NEK4: variants seen among roughly 807,000 people sequenced by gnomAD.
NEK4 encodes serine/threonine-protein kinase Nek4.
A neutral mutation model predicts 98.4 loss-of-function variants in NEK4; 86 were observed. The observed-to-expected ratio is 0.87, with a 90% CI of 0.73 to 1.05. The LOEUF (loss-of-function observed/expected upper bound fraction) is 1.05. NEK4 is among the 50% of genes least tolerant of loss of function. The probability of loss-of-function intolerance (pLI) is 0.00; values close to 1 mark genes in which losing one functional copy is unlikely to be tolerated. For missense variants in NEK4, 898 were observed against 950.3 expected (o/e 0.94, Z 0.72); for synonymous variants, 328 against 342.2 (o/e 0.96, Z 0.46).
intron 15 of NEK4, among the ~76,000 whole-genome samples, chr3:52,732,355 G>A (rs529374858): frequency 4.3e-4 from 65 of 152,164 alleles, no homozygotes; most frequent in African/African-American, 1.3e-3. Flanking sequence ...CACTGCGCCC[G>A]GCTAATTTTT....
chr3:52,722,246 C>A (rs755904842), intron 15 of NEK4, among the ~76,000 whole-genome samples: 11 of 152,144 alleles, frequency 7.2e-5, no homozygotes, highest in Non-Finnish European at 1.5e-4. Context: ...CTTCTCCACC[C>A]TCCTCACCCT....
At chr3:52,756,953 G>A (rs997080702) in intron 6 of NEK4, among the ~76,000 whole-genome samples, 4 of 152,042 alleles carry the variant, frequency 2.6e-5, no homozygotes, top group African/African-American at 9.7e-5. Flanking sequence ...TTGAATAGAC[G>A]CTCCTCCCAA....
rs541719448 is a variant in NEK4 at position 52,758,654 on chromosome 3, CA to C, written c.963+2140del. 2.8e-3 allele frequency among the ~76,000 whole-genome samples: 406 copies of C among 143,294 alleles called. 1 individual carries two copies. The highest frequency in any genetic ancestry group is 8.4e-3 in the African/African-American group (330 of 39,266). The allele number at this position is 143,294 out of a possible 152,430, so 94.0% of individuals were successfully genotyped here. ...AAAAAACAAAAGAAATTTTTAAAAA[CA>C]AAAAAAAAAATTTTAACTAAAAAAG... On this transcript the variant is annotated intron_variant, in intron 6 of 15. Coordinates refer to ENST00000233027, the MANE Select transcript of NEK4 (RefSeq NM_003157.6).
intron 15 of NEK4, among the ~76,000 whole-genome samples, chr3:52,732,361 T>C (rs1213738466): frequency 6.6e-6 from 1 of 152,082 alleles, no homozygotes; most frequent in Non-Finnish European, 1.5e-5. Flanking sequence ...GCCCGGCTAA[T>C]TTTTTTGTAT....
intron 6 of NEK4, chr3:52,753,664 G>C: frequency 1.7e-6 from 1 of 586,412 alleles, no homozygotes; most frequent in Admixed American, 1.9e-5. Flanking sequence ...AAAATGCTTT[G>C]CCCATAACTA....
intron 15 of NEK4, among the ~76,000 whole-genome samples, chr3:52,723,893 T>C (rs570687400): frequency 5.9e-5 from 9 of 152,114 alleles, no homozygotes; most frequent in Non-Finnish European, 1.0e-4. Context: ...AAACTCCAAG[T>C]AGGATGAACT....
chr3:52,769,218 T>C (rs536656453), intron 1 of NEK4, among the ~76,000 whole-genome samples: 3 of 151,874 alleles, frequency 2.0e-5, no homozygotes, highest in Admixed American at 6.6e-5. Flanking sequence ...CAAGACTCTG[T>C]CTCAAAAAAA....
intron 15 of NEK4, chr3:52,733,107 T>G (rs1561295674): frequency 5.6e-6 from 1 of 178,974 alleles, no homozygotes; most frequent in Non-Finnish European, 1.3e-5. Context: ...AGAGGAAAAA[T>G]CTTATGGACG....
intron 15 of NEK4, among the ~76,000 whole-genome samples, chr3:52,715,136 T>C (rs1363534634): frequency 6.6e-5 from 10 of 152,176 alleles, no homozygotes; most frequent in South Asian, 2.1e-4. Context: ...GCTAGTCCCA[T>C]AGACCAGAGT....
intron 15 of NEK4, among the ~76,000 whole-genome samples, chr3:52,726,467 C>T (rs921095968): frequency 6.6e-5 from 10 of 151,834 alleles, no homozygotes; most frequent in Non-Finnish European, 7.4e-5. Flanking sequence ...GGCATGGTGG[C>T]GGGCACCTGT....
chr3:52,741,478 G>C lies in NEK4; in HGVS notation c.2026C>G (p.Leu676Val). The C allele has an allele frequency of 6.2e-7, 1 of 1,606,316 alleles. No homozygotes were observed. Among genetic ancestry groups the C allele is most frequent in the African/African-American group, 1.3e-5 (1 of 74,868 alleles). The change falls in exon 13 of 16, where the codon CTG (leucine) becomes GTG (valine). Residue 676 changes from leucine to valine, a missense_variant. Coordinates refer to ENST00000233027, the MANE Select transcript of NEK4 (RefSeq NM_003157.6). ...GAAGAACTTAACTCATCCTCAGACA[G>C]ACAATGAATCTGTTTCCTTTCCTAT... The part of the protein sequence containing the change: ...VTQERKQIHC[L>V]SEDELSSSTS...
intron 6 of NEK4, among the ~76,000 whole-genome samples, chr3:52,755,985 G>A (rs1226276029): frequency 1.3e-5 from 2 of 152,052 alleles, no homozygotes; most frequent in Non-Finnish European, 2.9e-5. Context: ...ACCAAAAGGC[G>A]AAAGAAGGAC....
chr3:52,748,488 C>A (rs750363384), intron 8 of NEK4, among the ~76,000 whole-genome samples: 1 of 152,064 alleles, frequency 6.6e-6, no homozygotes, highest in Non-Finnish European at 1.5e-5. Context: ...TTAAAAATCT[C>A]CTCATAACTT....
chr3:52,752,182 T>G lies in NEK4; in HGVS notation c.1118A>C (p.Lys373Thr). Residue 373 changes from lysine to threonine, a missense_variant, in exon 7 of 16, where the codon AAA becomes ACA. Transcript: ENST00000233027. ...GCCATCACTCACTGAATCCCTCCCT[T>G]TTGCAGGTAAGATGTCAATATTTAC... ...SSVNIDILPA[K>T]GRDSVSDGFV... 2 of 1,614,176 alleles carry G rather than the reference T, an allele frequency of 1.2e-6. No homozygotes were observed. The highest frequency in any genetic ancestry group is 1.7e-6 in the Non-Finnish European group (2 of 1,180,026).
intron 6 of NEK4, among the ~76,000 whole-genome samples, chr3:52,760,469 G>A (rs959056799): frequency 2.0e-5 from 3 of 152,140 alleles, no homozygotes; most frequent in Non-Finnish European, 4.4e-5. Context: ...TGCCAGCCTC[G>A]GCCTCCCAGA....
intron 6 of NEK4, among the ~76,000 whole-genome samples, chr3:52,756,945 G>C (rs1559444505): frequency 6.6e-6 from 1 of 152,136 alleles, no homozygotes; most frequent in Non-Finnish European, 1.5e-5. Flanking sequence ...CAAAGGATTT[G>C]AATAGACGCT....
intron 9 of NEK4, 77 bp from the exon 10 acceptor site, chr3:52,746,287 T>C: frequency 2.2e-6 from 3 of 1,393,722 alleles, no homozygotes; most frequent in Non-Finnish European, 3.0e-6. Flanking sequence ...AGGTTCTCTA[T>C]GTATTTGTCC....
chr3:52,764,014 G>C (rs1284724667), intron 4 of NEK4, among the ~76,000 whole-genome samples: 1 of 152,238 alleles, frequency 6.6e-6, no homozygotes, highest in East Asian at 1.9e-4. Flanking sequence ...GCCAGTCGCA[G>C]TGGCTTACGC....
chr3:52,741,562 A>G, intron 12 of NEK4, 63 bp from the exon 13 acceptor site: 1 of 1,033,612 alleles, frequency 9.7e-7, no homozygotes. Flanking sequence ...TGATACTTGA[A>G]CCAGTCTTAG....
Sources: allele counts gnomAD v4.1 joint callset (sites outside exome capture counted in the v4.1 genomes callset), GRCh38; gene constraint gnomAD v4.1.1; transcripts MANE v1.5; gene names NCBI Gene and HGNC (gene_info 2026-07-23, HGNC 2026-07-21).